The following PRX variants were observed in gnomAD, a reference collection of about 807,000 sequenced individuals.
The protein encoded by PRX is periaxin.
A neutral mutation model predicts 29.6 loss-of-function variants in PRX; 24 were observed. The observed-to-expected ratio is 0.81, with a 90% CI of 0.59 to 1.14. PRX has a LOEUF of 1.14. Ranked by LOEUF, PRX falls within the 50% of genes most tolerant of loss-of-function variation. PRX has a pLI of 0.00. For missense variants in PRX, 1,838 were observed against 1,926.4 expected (o/e 0.95, Z 0.86); for synonymous variants, 772 against 831.7 (o/e 0.93, Z 1.24).
intron 4 of PRX, among the ~76,000 whole-genome samples, chr19:40,404,424 T>TGGGGGGGGGGGGGGG (rs71171571): frequency 3.1e-5 from 2 of 65,374 alleles, no homozygotes; most frequent in Non-Finnish European, 6.3e-5. Context: ...AGGGCGGGGC[T>TGGGGGGGGGGGGGGG]GGGGGGGGTT....
In PRX at chr19:40,401,769, C is replaced by CTT. The variant is rs371966168; in HGVS notation, c.184+1935_184+1936dup. 5.2e-4 allele frequency among the ~76,000 whole-genome samples: 72 copies of CTT among 138,498 alleles called. No individual in the cohort carries two copies. The South Asian group carries it at 7.9e-3, about 15-fold the overall frequency. The allele number at this position is 138,498 out of a possible 152,430, so 90.9% of individuals were successfully genotyped here. On this transcript the variant is annotated intron_variant, in intron 5 of 6. Transcript: ENST00000324001. ...CCTTTTCACCCTTTCCAGCCCACCC[C>CTT]TTTTTTTTTTTTTTTTTAGGCGGAG...
intron 4 of PRX, among the ~76,000 whole-genome samples, chr19:40,404,681 C>T (rs2079520482): frequency 6.6e-6 from 1 of 152,068 alleles, no homozygotes; most frequent in Non-Finnish European, 1.5e-5. Flanking sequence ...AGCAGACCTT[C>T]CGCTCCGGTC....
At position 40,408,380 on chromosome 19, in the gene PRX, C is replaced by A; in HGVS notation, c.-239G>T. 3.4e-6 allele frequency: 1 copy of A among 293,020 alleles called. No homozygotes were observed. The highest frequency in any genetic ancestry group is 6.7e-6 in the Non-Finnish European group (1 of 149,634). 18.2% of individuals were successfully genotyped at this position (293,020 alleles called of 1,614,324 possible). ...AGCTCCTTGGGCCTCCTGGGTCCGG[C>A]GCTCTAAGAAGAATAATGTGAGCAG... is the stretch of plus-strand genomic sequence containing the variant. On this transcript the variant is annotated 5_prime_UTR_variant, in exon 2 of 7. Coordinates refer to ENST00000324001, the MANE Select transcript of PRX (RefSeq NM_181882.3).
rs1479934503 is a variant in PRX at position 40,394,761 on chromosome 19, G to T, written c.3591C>A (p.Ala1197=). ...CCAGCAGCTCACCACCTGCAACCTG[G>T]GCTCCAGGCAGAGACAGGGTCACCT... ...VPQVTLSLPG[A]QVAGGELLVG... The change falls in exon 7 of 7, where the codon GCC becomes GCA. Residue 1197 remains alanine (A), a synonymous_variant. Transcript: ENST00000324001. This position sits in a 1 kb window ranked among gnomAD's most constrained non-coding sequence, Gnocchi z 5.8. 6.2e-7 allele frequency: 1 copy of T among 1,613,584 alleles called. No individual in the cohort carries two copies. Among genetic ancestry groups the T allele is most frequent in the Admixed American group, 1.7e-5 (1 of 60,006 alleles).
Position 40,397,261 on chromosome 19 carries a change from C to A in PRX, c.1091G>T (p.Arg364Leu). 3.1e-6 allele frequency: 5 copies of A among 1,613,748 alleles called. No homozygotes were observed. Among genetic ancestry groups the A allele is most frequent in the Non-Finnish European group, 8.5e-7 (1 of 1,180,026 alleles). ...ALKMPRLSFP[R>L]FGARAKEVAE... ...AACTTCCTTTGCTCGAGCCCCAAAT[C>A]GGGGAAAACTAAGGCGGGGCATCTT... The change falls in exon 7 of 7, where the codon CGA becomes CTA. Residue 364 changes from arginine (R) to leucine (L), a missense_variant. By Grantham distance (102) the Arg-to-Leu change is moderately radical. Coordinates refer to ENST00000324001, the MANE Select transcript of PRX (RefSeq NM_181882.3).
Position 40,394,683 on chromosome 19 carries a change from C to T in PRX, c.3669G>A (p.Leu1223=). 6.2e-7 allele frequency: 1 copy of T among 1,610,278 alleles called. No homozygotes were observed. Among genetic ancestry groups the T allele is most frequent in the Non-Finnish European group, 8.5e-7 (1 of 1,179,982 alleles). ...MPTVTVPQLE[L]DVGLSREAQA... ...GTGCCTCTCGGCTTAGCCCCACGTC[C>T]AGCTCAAGCTGGGGCACTGTCACGG... The change falls in exon 7 of 7, where the codon CTG becomes CTA. Residue 1223 remains leucine, a synonymous_variant. Coordinates refer to ENST00000324001, the MANE Select transcript of PRX (RefSeq NM_181882.3). The surrounding 1 kb of genome is among the most constrained non-coding windows in gnomAD (Gnocchi z 5.8).
chr19:40,394,432 C>A lies in PRX; in HGVS notation c.3920G>T (p.Arg1307Leu). 1.2e-6 allele frequency: 2 copies of A among 1,602,772 alleles called. No individual in the cohort carries two copies. The highest frequency in any genetic ancestry group is 1.7e-6 in the Non-Finnish European group (2 of 1,175,102). The change falls in exon 7 of 7, where the codon CGG (arginine) becomes CTG (leucine). Residue 1307 changes from arginine to leucine, a missense_variant. Arg to Leu is a moderately radical substitution (Grantham distance 102, BLOSUM62 -2). This residue lies in a region of PRX where 1,143 missense variants were observed against 1,193.0 expected (regional missense o/e 0.96). Coordinates refer to ENST00000324001, the MANE Select transcript of PRX (RefSeq NM_181882.3). The surrounding 1 kb of genome is among the most constrained non-coding windows in gnomAD (Gnocchi z 5.8). ...CCGCACCAGGCCAAACCGGGGCAGC[C>A]GTACCTTGAGCTTGTGTCCGGCCTC... Reference protein sequence around the residue: ...EGEAGHKLKVRLPRFGLVRAK... With the variant: ...EGEAGHKLKVLLPRFGLVRAK...
chr19:40,395,850 A>G lies in PRX; in HGVS notation c.2502T>C (p.Leu834=). Residue 834 remains leucine (L), a synonymous_variant, in exon 7 of 7, where the codon CTT becomes CTC. Coordinates refer to ENST00000324001, the MANE Select transcript of PRX (RefSeq NM_181882.3). ...CATCCACCTCTGGCTGCAGACAGGG[A>G]AGTGTTACCAGCTTCCCTGAGACCT... ...GAEVSGKLVT[L]PCLQPEVDGE... 1 of 1,614,154 alleles carries G rather than the reference A, an allele frequency of 6.2e-7. No individual in the cohort carries two copies. Among genetic ancestry groups the G allele is most frequent in the Non-Finnish European group, 8.5e-7 (1 of 1,180,038 alleles).
chr19:40,393,822 G>C lies in PRX; in HGVS notation c.*144C>G. On this transcript the variant is annotated 3_prime_UTR_variant, in exon 7 of 7. Transcript: ENST00000324001. Reference sequence around the variant, plus strand: ...TGGTGGGGTACAGGCACTCCTGCCAGAGAGACAGGAGCAGGCCTCCCTGCC... The same window carrying C: ...TGGTGGGGTACAGGCACTCCTGCCACAGAGACAGGAGCAGGCCTCCCTGCC... The C allele has an allele frequency of 1.6e-6, 2 of 1,245,250 alleles. No homozygotes were observed. The highest frequency in any genetic ancestry group is 2.3e-6 in the Non-Finnish European group (2 of 882,780). 77.1% of individuals were successfully genotyped at this position (1,245,250 alleles called of 1,614,324 possible).
chr19:40,412,146 A>G (rs2079561342), intron 1 of PRX, among the ~76,000 whole-genome samples: 1 of 152,196 alleles, frequency 6.6e-6, no homozygotes, highest in Non-Finnish European at 1.5e-5. Flanking sequence ...TTCACTTGGG[A>G]ACCCTGCCTG....
chr19:40,395,979 C>G lies in PRX; in HGVS notation c.2373G>C (p.Gln791His), dbSNP rs764404206. 60 of 1,613,956 alleles carry G rather than the reference C, an allele frequency of 3.7e-5. No individual in the cohort carries two copies. The highest frequency in any genetic ancestry group is 2.1e-5 in the Non-Finnish European group (25 of 1,180,020). Residue 791 changes from glutamine to histidine, a missense_variant, in exon 7 of 7, where the codon CAG becomes CAC. Physicochemically the swap from Gln to His is conservative, Grantham distance 24. Transcript: ENST00000324001. ...EVQLKATKAEQAEGMEFGFKM... is the reference protein window; with the variant it reads ...EVQLKATKAEHAEGMEFGFKM... Reference sequence around the variant, plus strand: ...TGAAGCCAAATTCCATCCCTTCTGCCTGTTCTGCCTTGGTGGCCTTTAGCT... The same window carrying G: ...TGAAGCCAAATTCCATCCCTTCTGCGTGTTCTGCCTTGGTGGCCTTTAGCT...
In PRX at chr19:40,396,116, GCA is replaced by G; in HGVS notation, c.2234_2235del (p.Val745AlafsTer81). On this transcript the variant is annotated frameshift_variant, in exon 7 of 7. Transcript: ENST00000324001. LOFTEE classifies it low-confidence loss of function (END_TRUNC). ...CGAATCTCTGACACTTTCGGCAGCT[GCA>G]CCTCGGGGAGGTGCACATCGGGCAC... ...MAVPDVHLPE[V>X]QLPKVSEIRL... 6.2e-7 allele frequency: 1 copy of G among 1,614,144 alleles called. No homozygotes were observed. The highest frequency in any genetic ancestry group is 8.5e-7 in the Non-Finnish European group (1 of 1,180,016).
chr19:40,400,635 T>C (rs1322768640), intron 5 of PRX, among the ~76,000 whole-genome samples: 1 of 132,578 alleles, frequency 7.5e-6, no homozygotes, highest in Non-Finnish European at 1.5e-5. Flanking sequence ...ATCTCACTCT[T>C]CACCCAGGCT....
rs573545695 is a variant in PRX at position 40,412,200 on chromosome 19, A to G, written c.-243+1138T>C. Among the ~76,000 whole-genome samples, 16 of 152,250 alleles carry G rather than the reference A, an allele frequency of 1.1e-4. No homozygotes were observed. In the East Asian group the frequency reaches 2.7e-3, roughly 26 times the overall value. ...CCCCGCCACCAGCGTGATCTCTCAT[A>G]GCAATGGGGGTCAGGGGTTGGGCTG... On this transcript the variant is annotated intron_variant, in intron 1 of 6. Coordinates refer to ENST00000324001, the MANE Select transcript of PRX (RefSeq NM_181882.3).
rs2145727241 is a variant in PRX, at chr19:40,395,253, AG to A, written c.3098del (p.Thr1033MetfsTer6). Reference protein sequence around the residue: ...LPKFGVRGRDTEAAELVPGVA... With the variant: ...LPKFGVRGRDXEAAELVPGVA... The stretch of plus-strand genomic sequence containing the variant: ...CCCCTGGCACTAGTTCTGCTGCCTC[AG>A]TGTCCCGGCCTCTGACCCCAAACTT... On this transcript the variant is annotated frameshift_variant, in exon 7 of 7. Transcript: ENST00000324001. LOFTEE classifies it low-confidence loss of function (END_TRUNC). 2 of 1,613,858 alleles carry A rather than the reference AG, an allele frequency of 1.2e-6. No individual in the cohort carries two copies. The highest frequency in any genetic ancestry group is 1.6e-4 in the Middle Eastern group (1 of 6,062).
At chr19:40,407,817 C>T in intron 4 of PRX, 89 bp downstream of exon 4, 2 of 1,569,194 alleles carry the variant, frequency 1.3e-6, no homozygotes, top group Non-Finnish European at 1.7e-6. Flanking sequence ...GAATGAGGCA[C>T]AGAGAGGCCA....
intron 4 of PRX, among the ~76,000 whole-genome samples, chr19:40,404,431 G>GGC (rs1055933005): frequency 1.3e-5 from 2 of 151,760 alleles, no homozygotes; most frequent in Non-Finnish European, 2.9e-5. Flanking sequence ...GGCTGGGGGG[G>GGC]GTTGGTGCGG....
chr19:40,398,459 A>C lies in PRX; in HGVS notation c.381+161T>G. ...GTGGGTCTGTCCCCCTTCCCGGGGA[A>C]GAGTTTGGGGCAGAGAGGAAGGGGC... On this transcript the variant is annotated intron_variant, in intron 6 of 6. Coordinates refer to ENST00000324001, the MANE Select transcript of PRX (RefSeq NM_181882.3). The surrounding 1 kb of genome is among the most constrained non-coding windows in gnomAD (Gnocchi z 6.3). 2.0e-6 allele frequency: 3 copies of C among 1,520,236 alleles called. No individual in the cohort carries two copies. Among genetic ancestry groups the C allele is most frequent in the East Asian group, 2.3e-5 (1 of 44,032 alleles). The allele number at this position is 1,520,236 out of a possible 1,614,324, so 94.2% of individuals were successfully genotyped here.
At chr19:40,404,081 G>GA (rs1175183434) in intron 4 of PRX, among the ~76,000 whole-genome samples, 27 of 152,338 alleles carry the variant, frequency 1.8e-4, no homozygotes, top group Admixed American at 3.9e-4. Flanking sequence ...TGGGATTACA[G>GA]GCGTGAGCCA....
Sources: gnomAD v4.1 joint callset for allele counts (sites outside exome capture counted in the v4.1 genomes callset) on GRCh38, gnomAD v4.1.1 for gene constraint, gnomAD v4.1.1 regional missense constraint, Gnocchi (gnomAD v3.1) non-coding constraint, MANE v1.5 for transcripts, NCBI Gene and HGNC (gene_info 2026-07-23, HGNC 2026-07-21) for gene names.